PPARGC1A: variants seen among roughly 807,000 people sequenced by gnomAD.
PPARGC1A encodes the protein PPARG coactivator 1 alpha.
A neutral mutation model predicts 88.7 loss-of-function variants in PPARGC1A; 25 were observed. The observed-to-expected ratio is 0.28, with a 90% confidence interval of 0.21 to 0.39. PPARGC1A has a LOEUF of 0.39. PPARGC1A is among the 10% of genes least tolerant of loss of function. The pLI, the probability that PPARGC1A is intolerant of heterozygous loss-of-function variation, is 1.00. For missense variants in PPARGC1A, 880 were observed against 968.7 expected (o/e 0.91, Z 1.22); for synonymous variants, 363 against 355.6 (o/e 1.02, Z -0.24).
the PPARGC1A span, among the ~76,000 whole-genome samples, chr4:24,066,619 G>A: frequency 2.0e-5 from 3 of 152,094 alleles, no homozygotes; most frequent in Non-Finnish European, 4.4e-5. Flanking sequence ...AGCTACAGAA[G>A]TAAATCCCCA....
At chr4:23,910,222 A>AATATATTATATATAATATATATAAT in the PPARGC1A span, among the ~76,000 whole-genome samples, 40 of 87,858 alleles carry the variant, frequency 4.6e-4, 1 homozygote, top group Admixed American at 1.6e-3. Flanking sequence ...TATAATATAT[A>AATATATTATATATAATATATATAAT]ATATATTATA....
At chr4:24,175,405 A>G in the PPARGC1A span, among the ~76,000 whole-genome samples, 1 of 105,194 alleles carries the variant, frequency 9.5e-6, no homozygotes, top group Non-Finnish European at 1.9e-5. Context: ...ACAGAGTTTC[A>G]CTTTTGTCAC....
the PPARGC1A span, among the ~76,000 whole-genome samples, chr4:23,966,221 C>A: frequency 6.6e-6 from 1 of 152,124 alleles, no homozygotes; most frequent in Non-Finnish European, 1.5e-5. Flanking sequence ...ATGATATCTC[C>A]CCTGCCTGTT....
the PPARGC1A span, among the ~76,000 whole-genome samples, chr4:24,175,987 T>A: frequency 6.6e-6 from 1 of 151,986 alleles, no homozygotes; most frequent in African/African-American, 2.4e-5. Flanking sequence ...CTCTGGGGAT[T>A]CCAACTAGAA....
the PPARGC1A span, among the ~76,000 whole-genome samples, chr4:24,264,214 C>T: frequency 6.6e-6 from 1 of 152,008 alleles, no homozygotes. Flanking sequence ...AAAAGTTATA[C>T]CCAGATTTTC....
the PPARGC1A span, among the ~76,000 whole-genome samples, chr4:24,278,184 A>G: frequency 1.1e-4 from 17 of 152,162 alleles, no homozygotes; most frequent in African/African-American, 3.6e-4. Flanking sequence ...AAATAAAAAT[A>G]AAAATTGAAA....
At chr4:24,081,525 C>T in the PPARGC1A span, among the ~76,000 whole-genome samples, 2 of 152,130 alleles carry the variant, frequency 1.3e-5, no homozygotes, top group Non-Finnish European at 2.9e-5. Context: ...AGCTCGTGCC[C>T]AAAGCATTAT....
At chr4:24,445,910 A>C in the PPARGC1A span, among the ~76,000 whole-genome samples, 242 of 152,204 alleles carry the variant, frequency 1.6e-3, no homozygotes, top group Non-Finnish European at 3.1e-3. Flanking sequence ...TCTACTAAAA[A>C]TACAAAACTA....
the PPARGC1A span, among the ~76,000 whole-genome samples, chr4:24,219,869 T>C: frequency 6.6e-6 from 1 of 152,328 alleles, no homozygotes; most frequent in Admixed American, 6.5e-5. Context: ...TTCTTCCTGC[T>C]GATAATGCCT....
At chr4:24,348,865 C>G in the PPARGC1A span, among the ~76,000 whole-genome samples, 3 of 152,064 alleles carry the variant, frequency 2.0e-5, no homozygotes, top group African/African-American at 4.8e-5. Flanking sequence ...TTGGGGGGTG[C>G]TGAAGAGCCT....
chr4:23,956,090 T>G, the PPARGC1A span, among the ~76,000 whole-genome samples: 1 of 152,116 alleles, frequency 6.6e-6, no homozygotes, highest in Non-Finnish European at 1.5e-5. Flanking sequence ...CACAAAACAT[T>G]ATTCTTCCTT....
At chr4:24,397,910 C>T in the PPARGC1A span, among the ~76,000 whole-genome samples, 8 of 152,214 alleles carry the variant, frequency 5.3e-5, no homozygotes, top group Non-Finnish European at 7.3e-5. Flanking sequence ...TAGGTCTATA[C>T]TGACTCAGGC....
the PPARGC1A span, among the ~76,000 whole-genome samples, chr4:24,387,136 G>A: frequency 2.0e-4 from 30 of 152,248 alleles, no homozygotes; most frequent in South Asian, 2.1e-4. Flanking sequence ...AACAAGCAAC[G>A]GGGAAAGGAT....
At chr4:24,178,000 G>A in the PPARGC1A span, among the ~76,000 whole-genome samples, 4 of 152,190 alleles carry the variant, frequency 2.6e-5, no homozygotes, top group Non-Finnish European at 4.4e-5. Context: ...TTATCTTACA[G>A]TACTATACTC....
the PPARGC1A span, among the ~76,000 whole-genome samples, chr4:24,395,081 G>A: frequency 6.6e-6 from 1 of 152,154 alleles, no homozygotes; most frequent in African/African-American, 2.4e-5. Context: ...TCCTACTTCT[G>A]CCACTCACCA....
chr4:24,045,249 T>C, the PPARGC1A span, among the ~76,000 whole-genome samples: 1 of 152,170 alleles, frequency 6.6e-6, no homozygotes, highest in African/African-American at 2.4e-5. Flanking sequence ...AATAGTTTTA[T>C]AATATTGTAA....
chr4:24,237,950 T>C, the PPARGC1A span, among the ~76,000 whole-genome samples: 1 of 152,182 alleles, frequency 6.6e-6, no homozygotes, highest in African/African-American at 2.4e-5. Flanking sequence ...AATGGCATCA[T>C]CTCCCATAAT....
At chr4:24,090,611 G>T in the PPARGC1A span, among the ~76,000 whole-genome samples, 1 of 152,206 alleles carries the variant, frequency 6.6e-6, no homozygotes, top group African/African-American at 2.4e-5. Context: ...CCTAAGAAAT[G>T]CTTCATACAC....
intron 2 of PPARGC1A, among the ~76,000 whole-genome samples, chr4:23,872,068 G>T (rs1396935164): frequency 6.6e-6 from 1 of 152,028 alleles, no homozygotes; most frequent in Non-Finnish European, 1.5e-5. Context: ...ATGGATCCAA[G>T]AGAGAGAGAG....
Sources: gnomAD v4.1 joint callset for allele counts (sites outside exome capture counted in the v4.1 genomes callset) on GRCh38, gnomAD v4.1.1 for gene constraint, MANE v1.5 for transcripts, NCBI Gene and HGNC (gene_info 2026-07-23, HGNC 2026-07-21) for gene names.